Variants in COL4A1 observed in about 807,000 individuals in gnomAD.
COL4A1 encodes the protein collagen alpha-1(IV) chain.
A neutral mutation model predicts 216.6 loss-of-function variants in COL4A1; 40 were observed. The observed-to-expected ratio is 0.18, with a 90% confidence interval of 0.14 to 0.24. The LOEUF (loss-of-function observed/expected upper bound fraction) is 0.24, where lower values mean the gene tolerates loss of function less well. Ranked by LOEUF, COL4A1 falls within the 10% of genes least tolerant of loss-of-function variation. The probability of loss-of-function intolerance (pLI) is 1.00; values close to 1 mark genes in which losing one functional copy is unlikely to be tolerated. For synonymous variants in COL4A1, 839 were observed against 810.7 expected (o/e 1.03, Z -0.59); for missense variants, 1,628 against 2,196.8 (o/e 0.74, Z 5.18).
chr13:110,178,807 T>C, intron 31 of COL4A1, 116 bp downstream of exon 31: 2 of 773,808 alleles, frequency 2.6e-6, no homozygotes, highest in Non-Finnish European at 4.3e-6. Context: ...TATTTTTTTC[T>C]CTTTTTATCT....
At chr13:110,292,711 T>C (rs1245712831) in intron 1 of COL4A1, among the ~76,000 whole-genome samples, 3 of 152,114 alleles carry the variant, frequency 2.0e-5, no homozygotes, top group Admixed American at 6.5e-5. Flanking sequence ...GAGAACAGCA[T>C]GGGGGAAACT....
chr13:110,200,085 A>T (rs1381324886), intron 20 of COL4A1, among the ~76,000 whole-genome samples: 1 of 152,238 alleles, frequency 6.6e-6, no homozygotes, highest in Non-Finnish European at 1.5e-5. Flanking sequence ...AAAAACAAAA[A>T]TAAATGTAAA....
chr13:110,271,853 G>A (rs1166085833), intron 1 of COL4A1, among the ~76,000 whole-genome samples: 1 of 152,202 alleles, frequency 6.6e-6, no homozygotes, highest in Non-Finnish European at 1.5e-5. Context: ...GAATTTGGAT[G>A]AAAGATATAC....
intron 1 of COL4A1, among the ~76,000 whole-genome samples, chr13:110,246,917 G>T (rs757560769): frequency 6.6e-6 from 1 of 152,144 alleles, no homozygotes; most frequent in Non-Finnish European, 1.5e-5. Context: ...GGGTCACGAA[G>T]GCAGTCTCCA....
At chr13:110,221,649 G>C (rs1365560525) in intron 2 of COL4A1, among the ~76,000 whole-genome samples, 1 of 152,210 alleles carries the variant, frequency 6.6e-6, no homozygotes, top group Non-Finnish European at 1.5e-5. Flanking sequence ...CAGTAAAGCT[G>C]TGAGCAGCAG....
At chr13:110,253,631 T>C (rs55779483) in intron 1 of COL4A1, among the ~76,000 whole-genome samples, 47 of 139,156 alleles carry the variant, frequency 3.4e-4, no homozygotes, top group African/African-American at 1.1e-3. Context: ...TATAATTATA[T>C]ATGTATGTAT....
intron 48 of COL4A1, 93 bp from the exon 49 acceptor site, chr13:110,161,462 A>G: frequency 1.5e-6 from 2 of 1,358,740 alleles, no homozygotes; most frequent in East Asian, 2.5e-5. Context: ...ACAAGCAAAA[A>G]CATATAATCA....
At chr13:110,231,212 C>CA (rs770988575) in intron 2 of COL4A1, among the ~76,000 whole-genome samples, 17 of 152,312 alleles carry the variant, frequency 1.1e-4, no homozygotes, top group East Asian at 3.9e-4. Flanking sequence ...CATGGGGACA[C>CA]AGAGAGTCAA....
chr13:110,196,190 A>C (rs1269021056), intron 21 of COL4A1, among the ~76,000 whole-genome samples: 1 of 152,156 alleles, frequency 6.6e-6, no homozygotes, highest in Non-Finnish European at 1.5e-5. Context: ...TTATGTGCTT[A>C]TGTGTCTTTC....
intron 1 of COL4A1, among the ~76,000 whole-genome samples, chr13:110,255,403 AGCCGCAAGAAGG>A (rs1291029817): frequency 4.0e-5 from 6 of 150,634 alleles, no homozygotes; most frequent in East Asian, 4.0e-4. Flanking sequence ...AGAGCAGGGC[AGCCGCAAGAAGG>A]CGGGAGAAGA....
intron 1 of COL4A1, among the ~76,000 whole-genome samples, chr13:110,270,188 A>G (rs1238496272): frequency 6.6e-6 from 1 of 152,208 alleles, no homozygotes; most frequent in Non-Finnish European, 1.5e-5. Context: ...AAATAACAGG[A>G]AAGTTCATCT....
chr13:110,202,277 C>T (rs192101507), intron 18 of COL4A1, among the ~76,000 whole-genome samples: 42 of 150,548 alleles, frequency 2.8e-4, no homozygotes, highest in Middle Eastern at 7.1e-3. Flanking sequence ...TCCTTAAGGT[C>T]GCAAGACAAG....
chr13:110,276,281 A>C (rs1883427372), intron 1 of COL4A1, among the ~76,000 whole-genome samples: 1 of 152,222 alleles, frequency 6.6e-6, no homozygotes, highest in Admixed American at 6.5e-5. Flanking sequence ...CCAGATTGCG[A>C]AACAGTGGAA....
chr13:110,186,318 A>C lies in COL4A1; in HGVS notation c.1897+67T>G, dbSNP rs1219074349. 1.1e-5 allele frequency: 17 copies of C among 1,601,444 alleles called. No individual in the cohort carries two copies. The South Asian group carries it at 1.6e-4, about 15-fold the overall frequency. On this transcript the variant is annotated intron_variant, in intron 26 of 51. Transcript: ENST00000375820. ...ATGCGAACCCCAGGCCTCTGTGTGC[A>C]CCCGAGGTGCCTGCCCTAACCTCCG... is the stretch of plus-strand genomic sequence containing the variant.
chr13:110,181,397 A>G lies in COL4A1; in HGVS notation c.2096-8T>C. ...CAGGTAAGCCGTCAACACCTGTTTTAAAGAGTCAAAAAAAAAAAACAAACA... is the reference window on the plus strand; with the variant it reads ...CAGGTAAGCCGTCAACACCTGTTTTGAAGAGTCAAAAAAAAAAAACAAACA... On this transcript the variant is annotated splice_polypyrimidine_tract_variant and splice_region_variant and intron_variant, in intron 28 of 51. Transcript: ENST00000375820. The G allele has an allele frequency of 1.2e-6, 2 of 1,603,412 alleles. No individual in the cohort carries two copies. Among genetic ancestry groups the G allele is most frequent in the Non-Finnish European group, 1.7e-6 (2 of 1,172,376 alleles).
chr13:110,223,126 G>GA (rs1332717940), intron 2 of COL4A1, among the ~76,000 whole-genome samples: 2 of 151,966 alleles, frequency 1.3e-5, no homozygotes, highest in African/African-American at 2.4e-5. Context: ...TGACAATACA[G>GA]AAAAAATAGC....
chr13:110,292,063 G>T (rs547172432), intron 1 of COL4A1, among the ~76,000 whole-genome samples: 1 of 152,078 alleles, frequency 6.6e-6, no homozygotes, highest in East Asian at 1.9e-4. Context: ...CTGTCTTTCC[G>T]ACCGATTTTC....
intron 1 of COL4A1, among the ~76,000 whole-genome samples, chr13:110,275,608 A>G (rs974698386): frequency 2.0e-5 from 3 of 152,258 alleles, no homozygotes; most frequent in Admixed American, 6.5e-5. Flanking sequence ...GGATGTTTAC[A>G]GCAGCTTTAT....
At chr13:110,219,884 A>G (rs1880368406) in intron 2 of COL4A1, among the ~76,000 whole-genome samples, 2 of 116,204 alleles carry the variant, frequency 1.7e-5, no homozygotes, top group South Asian at 2.5e-4. Context: ...ATATGTATAT[A>G]TATGTGTGTA....
Sources: gnomAD v4.1 joint callset for allele counts (sites outside exome capture counted in the v4.1 genomes callset) on GRCh38, gnomAD v4.1.1 for gene constraint, MANE v1.5 for transcripts, NCBI Gene and HGNC (gene_info 2026-07-23, HGNC 2026-07-21) for gene names.